SAR1A: variants seen among roughly 807,000 people sequenced by gnomAD.
SAR1A encodes the protein small COPII coat GTPase SAR1A.
SAR1A carries 6 observed loss-of-function variants against 22.6 expected under a neutral mutation model. That is an observed-to-expected ratio of 0.27 (90% CI 0.15 to 0.52). The LOEUF (loss-of-function observed/expected upper bound fraction) is 0.52, where lower values mean the gene tolerates loss of function less well. SAR1A is among the 20% of genes least tolerant of loss of function. The pLI, the probability that SAR1A is intolerant of heterozygous loss-of-function variation, is 0.96. For missense variants in SAR1A, 145 were observed against 245.1 expected (o/e 0.59, Z 2.73); for synonymous variants, 70 against 82.2 (o/e 0.85, Z 0.80).
Position 70,147,555 on chromosome 10 carries a change from T to C in SAR1A, c.*4921A>G, listed in dbSNP as rs1839267929. ...TTGAAATTTTAATTTCATACAATTT[T>C]TTGTGTCCAAAAATAGCATTCTTTA... On this transcript the variant is annotated 3_prime_UTR_variant, in exon 7 of 7. Coordinates refer to ENST00000373241, the MANE Select transcript of SAR1A (RefSeq NM_020150.5). 6.6e-6 allele frequency: 1 copy of C among 152,226 alleles called. No homozygotes were observed. Among genetic ancestry groups the C allele is most frequent in the Non-Finnish European group, 1.5e-5 (1 of 68,040 alleles). The allele number at this position is 152,226 out of a possible 1,614,324, so 9.4% of individuals were successfully genotyped here.
chr10:70,165,251 C>T (rs1004048740), intron 1 of SAR1A, among the ~76,000 whole-genome samples: 11 of 117,334 alleles, frequency 9.4e-5, no homozygotes, highest in Non-Finnish European at 1.5e-4. Context: ...GGCGACAGAG[C>T]GAGACTCCGT....
At chr10:70,155,154 A>G (rs779888470) in intron 5 of SAR1A, 1 of 508,716 alleles carries the variant, frequency 2.0e-6, no homozygotes, top group South Asian at 1.5e-5. Flanking sequence ...GAAGTTAGTG[A>G]ATAAAATCTT....
rs1839323929 is a variant in SAR1A at position 70,151,277 on chromosome 10, A to AAAAAAAAAAC, written c.*1198_*1199insGTTTTTTTTT. On this transcript the variant is annotated 3_prime_UTR_variant, in exon 7 of 7. Coordinates refer to ENST00000373241, the MANE Select transcript of SAR1A (RefSeq NM_020150.5). The stretch of plus-strand genomic sequence containing the variant: ...TTCATACCAAAAAAAAAAAAAAAAA[A>AAAAAAAAAAC]AAAAAAACCTGGAAAAGCTACAGAT... 6.7e-6 allele frequency: 1 copy of AAAAAAAAAAC among 149,422 alleles called. No homozygotes were observed. Among genetic ancestry groups the AAAAAAAAAAC allele is most frequent in the Non-Finnish European group, 1.5e-5 (1 of 67,292 alleles). The allele number at this position is 149,422 out of a possible 1,614,324, so 9.3% of individuals were successfully genotyped here. A position where few individuals can be genotyped will look rare whatever the true frequency, so the allele number is the denominator to read the frequency against.
At chr10:70,165,788 A>G (rs1839541291) in intron 1 of SAR1A, among the ~76,000 whole-genome samples, 2 of 152,250 alleles carry the variant, frequency 1.3e-5, no homozygotes, top group East Asian at 3.9e-4. Context: ...ACTGGTTCCA[A>G]TTTTGAAATA....
At chr10:70,155,488 C>T (rs1289382327) in intron 5 of SAR1A, among the ~76,000 whole-genome samples, 2 of 152,152 alleles carry the variant, frequency 1.3e-5, no homozygotes, top group Non-Finnish European at 2.9e-5. Flanking sequence ...TAAGAATGTC[C>T]TTCATTCATT....
At chr10:70,165,332 C>G (rs974610123) in intron 1 of SAR1A, among the ~76,000 whole-genome samples, 1 of 151,492 alleles carries the variant, frequency 6.6e-6, no homozygotes, top group Non-Finnish European at 1.5e-5. Context: ...GATTTCTCTG[C>G]TGGATCTGGG....
chr10:70,153,356 T>C (rs892810552), intron 6 of SAR1A, among the ~76,000 whole-genome samples: 1 of 152,220 alleles, frequency 6.6e-6, no homozygotes, highest in Non-Finnish European at 1.5e-5. Context: ...TGTGTAGACC[T>C]GAACAAATCA....
intron 6 of SAR1A, among the ~76,000 whole-genome samples, chr10:70,153,279 T>A (rs79234571): frequency 3.9e-5 from 6 of 152,190 alleles, no homozygotes; most frequent in Non-Finnish European, 7.3e-5. Flanking sequence ...CTCCTTCCAA[T>A]TGAAGACAGT....
intron 1 of SAR1A, among the ~76,000 whole-genome samples, 189 bp downstream of exon 1, chr10:70,170,224 G>T (rs913653420): frequency 6.6e-6 from 1 of 151,994 alleles, no homozygotes; most frequent in South Asian, 2.1e-4. Flanking sequence ...GGACAGCAGG[G>T]GACGGAGCAG....
intron 1 of SAR1A, chr10:70,163,093 C>G (rs991226800): frequency 6.6e-6 from 1 of 152,250 alleles, no homozygotes; most frequent in Non-Finnish European, 1.5e-5. Flanking sequence ...ACATCAAAAC[C>G]TGAGATAAGC....
intron 5 of SAR1A, among the ~76,000 whole-genome samples, chr10:70,155,901 C>T (rs1016849883): frequency 6.6e-5 from 10 of 152,196 alleles, no homozygotes; most frequent in African/African-American, 2.2e-4. Context: ...ATGTGCTATG[C>T]AAAAGATTTA....
intron 4 of SAR1A, among the ~76,000 whole-genome samples, chr10:70,159,892 G>C (rs1839445814): frequency 6.6e-6 from 1 of 152,164 alleles, no homozygotes. Context: ...GGAAACCAAA[G>C]ACATAGCCTG....
intron 4 of SAR1A, among the ~76,000 whole-genome samples, chr10:70,160,692 TTTGAG>T (rs1839457819): frequency 6.6e-6 from 1 of 152,204 alleles, no homozygotes. Context: ...TCAGTCAAGA[TTTGAG>T]TTGAGTTTGG....
rs1564567602 is a variant in SAR1A at position 70,149,546 on chromosome 10, G to GCTTTTTTTTTTTT, written c.*2929_*2930insAAAAAAAAAAAAG. The GCTTTTTTTTTTTT allele has an allele frequency of 4.2e-5, 1 of 23,954 alleles. No individual in the cohort carries two copies. Among genetic ancestry groups the GCTTTTTTTTTTTT allele is most frequent in the East Asian group, 1.1e-3 (1 of 874 alleles). 1.5% of individuals were successfully genotyped at this position (23,954 alleles called of 1,614,324 possible). On this transcript the variant is annotated 3_prime_UTR_variant, in exon 7 of 7. Coordinates refer to ENST00000373241, the MANE Select transcript of SAR1A (RefSeq NM_020150.5). ...ATTTTGCCAAATGTAGCATTTAATT[G>GCTTTTTTTTTTTT]ATTTTTTTTTTTTTTTTTTTTTTGA... is the stretch of plus-strand genomic sequence containing the variant.
chr10:70,155,591 T>C (rs549472597), intron 5 of SAR1A, among the ~76,000 whole-genome samples: 8 of 152,302 alleles, frequency 5.3e-5, no homozygotes, highest in African/African-American at 1.9e-4. Context: ...TGTTAGTTCA[T>C]AGTCTGATGA....
chr10:70,168,800 A>G (rs1839586258), intron 1 of SAR1A, among the ~76,000 whole-genome samples: 1 of 151,956 alleles, frequency 6.6e-6, no homozygotes, highest in Non-Finnish European at 1.5e-5. Context: ...GTCGGGTTGC[A>G]CTGCTACCCA....
chr10:70,160,983 T>G (rs1483811584), intron 4 of SAR1A, 21 bp downstream of exon 4: 1 of 1,588,444 alleles, frequency 6.3e-7, no homozygotes, highest in Non-Finnish European at 8.6e-7. Flanking sequence ...TAAACATGCT[T>G]TCCACTGAGT....
At chr10:70,161,483 T>G (rs1242586052) in intron 3 of SAR1A, 136 bp downstream of exon 3, 7 of 956,816 alleles carry the variant, frequency 7.3e-6, no homozygotes, top group Non-Finnish European at 1.1e-5. Context: ...TGAGTGTGTC[T>G]TACAGGGAAC....
At chr10:70,164,409 T>C (rs1216468462) in intron 1 of SAR1A, among the ~76,000 whole-genome samples, 1 of 152,212 alleles carries the variant, frequency 6.6e-6, no homozygotes, top group Non-Finnish European at 1.5e-5. Flanking sequence ...TAAGGGAACA[T>C]CCGGGTTATG....
Sources: gnomAD v4.1 joint callset for allele counts (sites outside exome capture counted in the v4.1 genomes callset) on GRCh38, gnomAD v4.1.1 for gene constraint, MANE v1.5 for transcripts, NCBI Gene and HGNC (gene_info 2026-07-23, HGNC 2026-07-21) for gene names.